Variants in SPOPL observed in about 807,000 individuals in gnomAD.
SPOPL encodes speckle-type POZ protein-like.
Under a neutral mutation model 53.8 loss-of-function variants are expected in SPOPL, and 23 were observed. The ratio of observed to expected loss-of-function variants is 0.43; its 90% CI spans 0.31 to 0.61. The LOEUF is 0.61. Ranked by LOEUF, SPOPL falls within the 20% of genes least tolerant of loss-of-function variation. The pLI, the probability that SPOPL is intolerant of heterozygous loss-of-function variation, is 0.12. For missense variants in SPOPL, 442 were observed against 466.9 expected (o/e 0.95, Z 0.49); for synonymous variants, 164 against 149.7 (o/e 1.10, Z -0.70).
At chr2:138,545,905 T>C (rs1185215066) in intron 1 of SPOPL, among the ~76,000 whole-genome samples, 1 of 152,162 alleles carries the variant, frequency 6.6e-6, no homozygotes, top group African/African-American at 2.4e-5. Flanking sequence ...TCTACCTATA[T>C]AGTTTAGTGA....
intron 1 of SPOPL, among the ~76,000 whole-genome samples, chr2:138,506,947 G>A (rs1684227732): frequency 6.6e-6 from 1 of 152,178 alleles, no homozygotes; most frequent in Admixed American, 6.5e-5. Context: ...TGGAACAAAA[G>A]AGGCTGAGAA....
intron 8 of SPOPL, among the ~76,000 whole-genome samples, chr2:138,561,908 G>C (rs767401394): frequency 6.6e-5 from 10 of 151,620 alleles, no homozygotes; most frequent in Non-Finnish European, 1.0e-4. Flanking sequence ...AGTGTCTGTT[G>C]TTCCCATCTT....
At chr2:138,563,753 A>T (rs1305675802) in intron 8 of SPOPL, among the ~76,000 whole-genome samples, 1 of 152,236 alleles carries the variant, frequency 6.6e-6, no homozygotes, top group African/African-American at 2.4e-5. Context: ...ACTGTGATCC[A>T]GTGAGTCCAA....
intron 1 of SPOPL, among the ~76,000 whole-genome samples, chr2:138,543,652 G>C (rs1459162016): frequency 6.6e-6 from 1 of 151,970 alleles, no homozygotes; most frequent in African/African-American, 2.4e-5. Context: ...TTTTTTCAAG[G>C]TTTTTAACTT....
intron 7 of SPOPL, 129 bp from the exon 8 acceptor site, chr2:138,560,675 AT>A: frequency 1.0e-6 from 1 of 972,344 alleles, no homozygotes; most frequent in Non-Finnish European, 1.5e-6. Flanking sequence ...ATATCTGTGT[AT>A]GTATATTTGA....
rs1376959100 is a variant in SPOPL, at chr2:138,572,977, T to G, written c.*3897T>G. On this transcript the variant is annotated 3_prime_UTR_variant, in exon 11 of 11. Transcript: ENST00000280098. ...ACCCAGTAAATTTTGCATTCAGTTT[T>G]AAAAAATGAAGATGTAACTTACCTG... The G allele has an allele frequency of 7.2e-5, 11 of 152,338 alleles. No homozygotes were observed. Among genetic ancestry groups the G allele is most frequent in the Admixed American group, 7.2e-4 (11 of 15,272 alleles). The allele number at this position is 152,338 out of a possible 1,614,324, so 9.4% of individuals were successfully genotyped here.
At chr2:138,567,742 C>T (rs957460331) in intron 10 of SPOPL, among the ~76,000 whole-genome samples, 1 of 152,000 alleles carries the variant, frequency 6.6e-6, no homozygotes, top group African/African-American at 2.4e-5. Context: ...GGAAATTAGA[C>T]TTGATTGGTG....
intron 1 of SPOPL, among the ~76,000 whole-genome samples, chr2:138,525,422 C>T (rs1420684304): frequency 6.6e-6 from 1 of 152,182 alleles, no homozygotes; most frequent in East Asian, 1.9e-4. Flanking sequence ...AAGTGTTTCA[C>T]ATGAGCTGAC....
intron 1 of SPOPL, among the ~76,000 whole-genome samples, chr2:138,529,531 T>TGCGC (rs1218250973): frequency 1.1e-5 from 1 of 88,878 alleles, no homozygotes; most frequent in African/African-American, 3.3e-5. Flanking sequence ...TGTGTGTGTG[T>TGCGC]GTGTTTGCGT....
At chr2:138,552,447 A>T (rs1304406659) in intron 4 of SPOPL, 107 bp from the exon 5 acceptor site, 8 of 1,288,952 alleles carry the variant, frequency 6.2e-6, no homozygotes, top group African/African-American at 1.5e-5. Context: ...TTTATGATGG[A>T]TGTATTGACA....
At chr2:138,535,858 A>G (rs1413959831) in intron 1 of SPOPL, among the ~76,000 whole-genome samples, 1 of 151,890 alleles carries the variant, frequency 6.6e-6, no homozygotes, top group African/African-American at 2.4e-5. Flanking sequence ...TATAATCTCT[A>G]CTGATTTGTC....
In SPOPL at chr2:138,571,244, C is replaced by T. The variant is rs1315340111; in HGVS notation, c.*2164C>T. 6 of 152,398 alleles carry T rather than the reference C, an allele frequency of 3.9e-5. No homozygotes were observed. The highest frequency in any genetic ancestry group is 7.4e-5 in the Non-Finnish European group (5 of 68,002). The allele number at this position is 152,398 out of a possible 1,614,324, so 9.4% of individuals were successfully genotyped here. ...GATGTATCCATTTATATCCAATGCG[C>T]ACCACACCGGCACATTGTGATTTAA... On this transcript the variant is annotated 3_prime_UTR_variant, in exon 11 of 11. Coordinates refer to ENST00000280098, the MANE Select transcript of SPOPL (RefSeq NM_001001664.3).
chr2:138,504,790 A>C (rs113902352), intron 1 of SPOPL, among the ~76,000 whole-genome samples: 7 of 152,226 alleles, frequency 4.6e-5, no homozygotes, highest in Non-Finnish European at 1.0e-4. Context: ...TAATTTCTGC[A>C]GAGCCCTAGT....
chr2:138,529,541 T>TGC (rs61492785), intron 1 of SPOPL, among the ~76,000 whole-genome samples: 28 of 151,212 alleles, frequency 1.9e-4, no homozygotes, highest in Admixed American at 4.6e-4. Context: ...TGTGTTTGCG[T>TGC]GCGCGCGCGC....
chr2:138,560,779 A>G, intron 7 of SPOPL, 26 bp from the exon 8 acceptor site: 1 of 1,537,202 alleles, frequency 6.5e-7, no homozygotes. Context: ...TTTTTTTAAC[A>G]TTTTTGTGTT....
At chr2:138,537,768 C>A (rs1684968505) in intron 1 of SPOPL, among the ~76,000 whole-genome samples, 1 of 151,990 alleles carries the variant, frequency 6.6e-6, no homozygotes, top group Non-Finnish European at 1.5e-5. Context: ...GGTTCAAAGA[C>A]CACAGACTCT....
chr2:138,535,555 C>CTT lies in SPOPL; in HGVS notation c.-60-14585_-60-14584dup, dbSNP rs539254466. Among the ~76,000 whole-genome samples, 600 of 86,886 alleles carry CTT rather than the reference C, an allele frequency of 6.9e-3. 10 individuals are homozygous for CTT. Among genetic ancestry groups the CTT allele is most frequent in the African/African-American group, 0.02 (421 of 21,386 alleles). The allele number at this position is 86,886 out of a possible 152,430, so 57.0% of individuals were successfully genotyped here. On this transcript the variant is annotated intron_variant, in intron 1 of 10. Coordinates refer to ENST00000280098, the MANE Select transcript of SPOPL (RefSeq NM_001001664.3). Reference sequence around the variant, plus strand: ...TTTTTTTTAATAGCCATTCTAGTAGCTTTTTTTTTTTTTTTTTTGGTCTTT... The same window carrying CTT: ...TTTTTTTTAATAGCCATTCTAGTAGCTTTTTTTTTTTTTTTTTTTTGGTCTTT...
chr2:138,564,445 A>C (rs1685615595), intron 8 of SPOPL: 1 of 378,898 alleles, frequency 2.6e-6, no homozygotes, highest in African/African-American at 2.1e-5. Flanking sequence ...AAGAATATTG[A>C]GTAATAAGGT....
intron 1 of SPOPL, among the ~76,000 whole-genome samples, chr2:138,507,364 C>T (rs1684236935): frequency 6.6e-6 from 1 of 152,130 alleles, no homozygotes; most frequent in Non-Finnish European, 1.5e-5. Context: ...ACACTGAATG[C>T]TAGACTTCTA....
Sources: allele counts gnomAD v4.1 joint callset (sites outside exome capture counted in the v4.1 genomes callset), GRCh38; gene constraint gnomAD v4.1.1; transcripts MANE v1.5; gene names NCBI Gene and HGNC (gene_info 2026-07-23, HGNC 2026-07-21).